Variants in STARD13 observed in about 807,000 individuals in gnomAD.
The protein encoded by STARD13 is stAR-related lipid transfer protein 13.
A neutral mutation model predicts 106.4 loss-of-function variants in STARD13; 62 were observed. That is an observed-to-expected ratio of 0.58 (90% confidence interval 0.48 to 0.72). The LOEUF (loss-of-function observed/expected upper bound fraction) is 0.72. Among genes scored for constraint, STARD13 ranks in the 30% least tolerant of loss-of-function variants. The pLI, the probability that STARD13 is intolerant of heterozygous loss-of-function variation, is 0.00. For synonymous variants in STARD13, 565 were observed against 553.0 expected, an observed-to-expected ratio of 1.02 and a Z score of -0.31; for missense variants, 1,387 against 1,424.0, an observed-to-expected ratio of 0.97 and a Z score of 0.42.
the STARD13 span, among the ~76,000 whole-genome samples, chr13:33,507,724 A>G: frequency 5.3e-5 from 8 of 152,322 alleles, no homozygotes; most frequent in African/African-American, 1.9e-4. Flanking sequence ...AATAATATAA[A>G]TAGCTGACAA....
At chr13:33,241,750 C>T (rs1013590228) in intron 1 of STARD13, among the ~76,000 whole-genome samples, 3 of 152,094 alleles carry the variant, frequency 2.0e-5, no homozygotes, top group East Asian at 3.9e-4. Flanking sequence ...CAGTGTTGGC[C>T]GGGCTGGTCT....
chr13:33,216,448 T>C (rs187934608), intron 1 of STARD13, among the ~76,000 whole-genome samples: 7 of 152,234 alleles, frequency 4.6e-5, no homozygotes, highest in Admixed American at 1.3e-4. Context: ...TTAATCTAAG[T>C]GAAGTAACTC....
chr13:33,528,273 T>C, the STARD13 span, among the ~76,000 whole-genome samples: 16 of 134,816 alleles, frequency 1.2e-4, no homozygotes, highest in Admixed American at 5.3e-4. Flanking sequence ...TATATATATA[T>C]ACTCTTTTTT....
chr13:33,642,252 C>A, the STARD13 span, among the ~76,000 whole-genome samples: 2 of 152,142 alleles, frequency 1.3e-5, no homozygotes, highest in African/African-American at 2.4e-5. Context: ...TAAATTAGAG[C>A]TCAAAAAATA....
chr13:33,215,430 A>G (rs1887985631), intron 1 of STARD13, among the ~76,000 whole-genome samples: 1 of 152,172 alleles, frequency 6.6e-6, no homozygotes, highest in African/African-American at 2.4e-5. Context: ...TAACCTATAA[A>G]CATTCTTTCA....
the STARD13 span, among the ~76,000 whole-genome samples, chr13:33,656,216 C>T: frequency 6.6e-6 from 1 of 152,128 alleles, no homozygotes; most frequent in Non-Finnish European, 1.5e-5. Flanking sequence ...GTTCTATACC[C>T]CGTGCTAGAA....
intron 1 of STARD13, among the ~76,000 whole-genome samples, chr13:33,218,804 C>G (rs6561783): frequency 0.1 from 15,806 of 152,202 alleles, 1,131 homozygotes; most frequent in African/African-American, 0.2. Context: ...ATTTGTGAAA[C>G]TCAGCATTAA....
the STARD13 span, among the ~76,000 whole-genome samples, chr13:33,621,372 A>G: frequency 6.6e-6 from 1 of 152,030 alleles, no homozygotes; most frequent in African/African-American, 2.4e-5. Context: ...ATCTTAATAA[A>G]ACACTAAAAA....
intron 3 of STARD13, among the ~76,000 whole-genome samples, chr13:33,159,934 T>C (rs960301928): frequency 1.3e-5 from 2 of 152,138 alleles, no homozygotes; most frequent in Non-Finnish European, 2.9e-5. Context: ...ATTCCACAAA[T>C]CCAAATCAAA....
intron 1 of STARD13, among the ~76,000 whole-genome samples, chr13:33,209,369 A>G (rs551070035): frequency 6.6e-6 from 1 of 152,156 alleles, no homozygotes; most frequent in South Asian, 2.1e-4. Flanking sequence ...CAGCAACACT[A>G]CCCATATTGG....
At chr13:33,140,763 T>C in intron 4 of STARD13, among the ~76,000 whole-genome samples, 1 of 135,946 alleles carries the variant, frequency 7.4e-6, no homozygotes, top group Non-Finnish European at 1.5e-5. Context: ...CTTTCTTTTC[T>C]TTCTTTTTTT....
the STARD13 span, among the ~76,000 whole-genome samples, chr13:33,486,885 C>T: frequency 6.6e-6 from 1 of 152,160 alleles, no homozygotes. Context: ...AAAGTTTCCT[C>T]CACAATAAAT....
the STARD13 span, among the ~76,000 whole-genome samples, chr13:33,378,038 TACTATTTGTCCAGTGAAGCAATTGAGCC>T: frequency 1.3e-5 from 2 of 152,210 alleles, no homozygotes; most frequent in Non-Finnish European, 2.9e-5. Context: ...TGGTATTAGT[TACTATTTGTCCAGTGAAGCAATTGAGCC>T]AAGTTTATTT....
At chr13:33,283,150 G>C (rs1007740341) in intron 1 of STARD13, among the ~76,000 whole-genome samples, 1 of 152,152 alleles carries the variant, frequency 6.6e-6, no homozygotes, top group Non-Finnish European at 1.5e-5. Context: ...AATATAACCT[G>C]ACAGGAAATT....
intron 1 of STARD13, among the ~76,000 whole-genome samples, chr13:33,207,441 A>T (rs1887483000): frequency 6.6e-6 from 1 of 152,134 alleles, no homozygotes; most frequent in Non-Finnish European, 1.5e-5. Flanking sequence ...TCACTCTAAG[A>T]GAGGGAGTAT....
At chr13:33,105,817 G>T in intron 13 of STARD13, 107 bp from the exon 14 acceptor site, 1 of 897,866 alleles carries the variant, frequency 1.1e-6, no homozygotes, top group Non-Finnish European at 1.9e-6. Flanking sequence ...CAGTGAACCT[G>T]CAGACAGCTC....
chr13:33,190,267 CA>C (rs1033122914), intron 1 of STARD13, among the ~76,000 whole-genome samples: 1 of 150,322 alleles, frequency 6.7e-6, no homozygotes, highest in East Asian at 2.0e-4. Context: ...TCTGTCTCTA[CA>C]AAAAAAAATG....
chr13:33,381,318 A>T, the STARD13 span, among the ~76,000 whole-genome samples: 1 of 152,172 alleles, frequency 6.6e-6, no homozygotes, highest in East Asian at 1.9e-4. Flanking sequence ...CGCCTATTAA[A>T]CGCTTCACAG....
intron 1 of STARD13, among the ~76,000 whole-genome samples, chr13:33,187,990 G>A (rs1316165506): frequency 1.3e-5 from 2 of 152,066 alleles, no homozygotes; most frequent in South Asian, 2.1e-4. Context: ...CAACCTAAAC[G>A]AAGCATCTTT....
Sources: gnomAD v4.1 joint callset for allele counts (sites outside exome capture counted in the v4.1 genomes callset) on GRCh38, gnomAD v4.1.1 for gene constraint, MANE v1.5 for transcripts, NCBI Gene and HGNC (gene_info 2026-07-23, HGNC 2026-07-21) for gene names.